ATP2B2: variants seen among roughly 807,000 people sequenced by gnomAD.
ATP2B2 encodes the protein plasma membrane calcium-transporting ATPase 2.
A neutral mutation model predicts 120.0 loss-of-function variants in ATP2B2; 15 were observed. The observed-to-expected ratio is 0.12, with a 90% CI of 0.08 to 0.19. ATP2B2 has a LOEUF of 0.19. ATP2B2 is among the 10% of genes least tolerant of loss of function. The pLI is 1.00. For missense variants in ATP2B2, 1,045 were observed against 1,719.8 expected (o/e 0.61, Z 6.94); for synonymous variants, 694 against 700.3 (o/e 0.99, Z 0.14).
chr3:10,597,316 TAGGCACACACAC>T lies in ATP2B2; in HGVS notation c.-415+22589_-415+22600del, dbSNP rs796169753. Reference sequence around the variant, plus strand: ...ACACAGGCACAGACACACAGACACATAGGCACACACACAGGCACACACACAGGCACAGGCACC... The same window carrying T: ...ACACAGGCACAGACACACAGACACATAGGCACACACACAGGCACAGGCACC... On this transcript the variant is annotated intron_variant, in intron 2 of 21. Transcript: ENST00000646379. Among the ~76,000 whole-genome samples the T allele has an allele frequency of 4.0e-3, 257 of 64,616 alleles. 3 individuals are homozygous for T. Among genetic ancestry groups the T allele is most frequent in the African/African-American group, 0.014 (216 of 15,656 alleles). 42.4% of individuals were successfully genotyped at this position (64,616 alleles called of 152,430 possible). A position where few individuals can be genotyped will look rare whatever the true frequency, so the allele number is the denominator to read the frequency against.
chr3:10,443,205 C>G (rs2063726596), intron 2 of ATP2B2, among the ~76,000 whole-genome samples: 1 of 152,200 alleles, frequency 6.6e-6, no homozygotes, highest in Admixed American at 6.5e-5. Context: ...TCTCCCAATC[C>G]AGGCCATGCT....
intron 1 of ATP2B2, among the ~76,000 whole-genome samples, chr3:10,486,167 T>G (rs775771455): frequency 9.9e-5 from 15 of 152,250 alleles, no homozygotes; most frequent in Admixed American, 3.3e-4. Flanking sequence ...GAGCATAAGA[T>G]TTGGTCAAAC....
At chr3:10,617,817 G>A (rs1178759725) in intron 2 of ATP2B2, among the ~76,000 whole-genome samples, 2 of 151,716 alleles carry the variant, frequency 1.3e-5, no homozygotes, top group South Asian at 2.1e-4. Context: ...CCAGGAAGAC[G>A]CAAAGCTGGT....
chr3:10,445,819 A>G (rs2063818187), intron 2 of ATP2B2, among the ~76,000 whole-genome samples: 1 of 152,210 alleles, frequency 6.6e-6, no homozygotes, highest in African/African-American at 2.4e-5. Context: ...GGTCAAACTG[A>G]GTCCCTGTGT....
Position 10,432,649 on chromosome 3 carries a change from G to A in ATP2B2, c.199+16696C>T, listed in dbSNP as rs894128647. ...ATGCTGGCGGCTTCACGCCAGAAGC[G>A]AATCTCACTCACGTGTCCTTGAGGC... is the stretch of plus-strand genomic sequence containing the variant. On this transcript the variant is annotated intron_variant, in intron 2 of 22. Transcript: ENST00000360273. 5.3e-5 allele frequency among the ~76,000 whole-genome samples: 8 copies of A among 152,380 alleles called. No individual in the cohort carries two copies. The South Asian group carries it at 6.2e-4, about 12-fold the overall frequency.
Position 10,402,899 on chromosome 3 carries a change from C to G in ATP2B2, c.398-551G>C, listed in dbSNP as rs937477261. ...GATGAGAAAAGACAAGGAATTTTCT[C>G]TAATTCATGAGAAAAGAGAGTAAGT... is the stretch of plus-strand genomic sequence containing the variant. On this transcript the variant is annotated intron_variant, in intron 3 of 22. Transcript: ENST00000360273. The surrounding 1 kb of genome is among the most constrained non-coding windows in gnomAD (Gnocchi z 4.9). 2.6e-5 allele frequency among the ~76,000 whole-genome samples: 4 copies of G among 151,966 alleles called. No individual in the cohort carries two copies. Among genetic ancestry groups the G allele is most frequent in the African/African-American group, 7.3e-5 (3 of 41,236 alleles).
At chr3:10,650,067 A>G (rs2070416257) in intron 1 of ATP2B2, among the ~76,000 whole-genome samples, 1 of 152,254 alleles carries the variant, frequency 6.6e-6, no homozygotes, top group Non-Finnish European at 1.5e-5. Flanking sequence ...GAAACTGTGG[A>G]AGCGACTTTG....
chr3:10,391,130 C>T (rs1334187946), intron 5 of ATP2B2, among the ~76,000 whole-genome samples: 1 of 152,180 alleles, frequency 6.6e-6, no homozygotes, highest in Non-Finnish European at 1.5e-5. Flanking sequence ...CTGTAGAACA[C>T]CTACTGTGTG....
At chr3:10,472,997 C>T (rs562884890) in intron 1 of ATP2B2, among the ~76,000 whole-genome samples, 1 of 152,328 alleles carries the variant, frequency 6.6e-6, no homozygotes, top group South Asian at 2.1e-4. Flanking sequence ...CTGATCTAAG[C>T]CTGTCTGATT....
At position 10,350,539 on chromosome 3, in the gene ATP2B2, G is replaced by C; in HGVS notation, c.2175C>G (p.Ile725Met). The C allele has an allele frequency of 6.2e-7, 1 of 1,614,000 alleles. No homozygotes were observed. Among genetic ancestry groups the C allele is most frequent in the Non-Finnish European group, 8.5e-7 (1 of 1,180,028 alleles). Residue 725 changes from isoleucine to methionine, a missense_variant, in exon 15 of 23, where the codon ATC (isoleucine) becomes ATG (methionine). Physicochemically the swap from Ile to Met is conservative, Grantham distance 10 (BLOSUM62 1). Coordinates refer to ENST00000360273, the MANE Select transcript of ATP2B2 (RefSeq NM_001001331.4). ...EAIRKCQRAG[I>M]TVRMVTGDNI... ...TGTCGCCAGTGACCATGCGGACCGTGATGCCTGCCCGCTGGCACTTGCGGA... is the reference window on the plus strand; with the variant it reads ...TGTCGCCAGTGACCATGCGGACCGTCATGCCTGCCCGCTGGCACTTGCGGA...
intron 3 of ATP2B2, among the ~76,000 whole-genome samples, chr3:10,533,444 A>T (rs1173849672): frequency 6.6e-6 from 1 of 152,238 alleles, no homozygotes; most frequent in African/African-American, 2.4e-5. Context: ...TCTGAGACTC[A>T]GAGGGGCTGT....
rs925543838 is a variant in ATP2B2 at position 10,372,151 on chromosome 3, G to A, written c.1417-100C>T. ...GTAAACATGCAGTAAATAAGGCAGA[G>A]CCACCACAGCCTGCCCCTTTGCTTC... On this transcript the variant is annotated intron_variant, in intron 11 of 22. Coordinates refer to ENST00000360273, the MANE Select transcript of ATP2B2 (RefSeq NM_001001331.4). The A allele has an allele frequency of 2.6e-5, 39 of 1,510,756 alleles. No homozygotes were observed. The Admixed American group carries it at 4.8e-4, about 19-fold the overall frequency. 93.6% of individuals were successfully genotyped at this position (1,510,756 alleles called of 1,614,324 possible). A position where few individuals can be genotyped will look rare whatever the true frequency, so the allele number is the denominator to read the frequency against.
In ATP2B2 at chr3:10,378,350, C is replaced by T. The variant is rs753319875; in HGVS notation, c.1103G>A (p.Gly368Asp). Residue 368 changes from glycine (G) to aspartate (D), a missense_variant, in exon 10 of 23, where the codon GGC (glycine) becomes GAC (aspartate). Coordinates refer to ENST00000360273, the MANE Select transcript of ATP2B2 (RefSeq NM_001001331.4). ...GGCCTTCTTCCTGTCGTCAGCGTCG[C>T]CGCCCTCGGCACTCTTGAGGGGCTG... ...EMQPLKSAEG[G>D]DADDRKKASM... 1.2e-6 allele frequency: 2 copies of T among 1,607,034 alleles called. No individual in the cohort carries two copies.
chr3:10,670,334 C>G (rs2071062564), intron 1 of ATP2B2, among the ~76,000 whole-genome samples: 1 of 152,180 alleles, frequency 6.6e-6, no homozygotes, highest in Admixed American at 6.5e-5. Flanking sequence ...ATCTAAATAT[C>G]ATTTTTACCC....
intron 11 of ATP2B2, among the ~76,000 whole-genome samples, chr3:10,372,749 T>A (rs954714657): frequency 6.6e-6 from 1 of 152,214 alleles, no homozygotes; most frequent in African/African-American, 2.4e-5. Context: ...TTGAAATTTA[T>A]AACAAAAATG....
At chr3:10,608,461 G>A (rs1425515654) in intron 2 of ATP2B2, among the ~76,000 whole-genome samples, 4 of 152,228 alleles carry the variant, frequency 2.6e-5, no homozygotes, top group African/African-American at 4.8e-5. Context: ...TCTCTCACCT[G>A]TCTGTAAGAC....
chr3:10,606,970 G>C (rs976672327), intron 2 of ATP2B2, among the ~76,000 whole-genome samples: 2 of 76,320 alleles, frequency 2.6e-5, no homozygotes, highest in Non-Finnish European at 5.1e-5. Flanking sequence ...GGGAGAGAGA[G>C]AGAGAGAGAA....
rs372782384 is a variant in ATP2B2 at position 10,632,866 on chromosome 3, A to T, written c.-459-12905T>A. The stretch of plus-strand genomic sequence containing the variant: ...GTGAGGCCCAGTGGAACTGCTGCTT[A>T]TCCCTGTTCCCCTGGTGGCTGTCCT... On this transcript the variant is annotated intron_variant, in intron 1 of 21. Transcript: ENST00000646379. 1.2e-4 allele frequency among the ~76,000 whole-genome samples: 19 copies of T among 152,288 alleles called. No homozygotes were observed. The East Asian group carries it at 2.9e-3, about 23-fold the overall frequency.
intron 2 of ATP2B2, among the ~76,000 whole-genome samples, chr3:10,430,157 G>T (rs1250273338): frequency 6.6e-6 from 1 of 152,250 alleles, no homozygotes; most frequent in Admixed American, 6.5e-5. Flanking sequence ...ATGGAGATGT[G>T]CAAGGAGATA....
Sources: allele counts gnomAD v4.1 joint callset (sites outside exome capture counted in the v4.1 genomes callset), GRCh38; gene constraint gnomAD v4.1.1; non-coding constraint Gnocchi (gnomAD v3.1); transcripts MANE v1.5; gene names NCBI Gene and HGNC (gene_info 2026-07-23, HGNC 2026-07-21).